The following DMD variants were observed in gnomAD, a reference collection of about 807,000 sequenced individuals.
The protein encoded by DMD is mutant dystrophin.
In DMD, 63 loss-of-function variants were observed where a neutral mutation model predicts 330.1. That is an observed-to-expected ratio of 0.19 (90% CI 0.16 to 0.24). DMD has a LOEUF of 0.24. DMD is among the 10% of genes least tolerant of loss of function. The probability of loss-of-function intolerance (pLI) is 1.00; values close to 1 mark genes in which losing one functional copy is unlikely to be tolerated. For missense variants in DMD, 3,344 were observed against 2,684.1 expected (o/e 1.25, Z -5.43); for synonymous variants, 1,223 against 959.8 (o/e 1.27, Z -5.07).
chrX:31,292,240 A>T (rs983762238), intron 62 of DMD, among the ~76,000 whole-genome samples: 4 of 111,709 alleles, frequency 3.6e-5, no homozygotes, highest in Non-Finnish European at 7.5e-5. Flanking sequence ...ATATGTAAAA[A>T]AAACTCCTAC....
intron 60 of DMD, among the ~76,000 whole-genome samples, chrX:31,417,157 T>C (rs985339037): frequency 8.9e-6 from 1 of 112,491 alleles, no homozygotes; most frequent in African/African-American, 3.2e-5. Flanking sequence ...GGAATGTTCA[T>C]TTGTTCCAAG....
intron 29 of DMD, among the ~76,000 whole-genome samples, chrX:32,428,322 C>G (rs1048870980): frequency 4.5e-5 from 5 of 111,840 alleles, no homozygotes; most frequent in Non-Finnish European, 9.4e-5. Context: ...TTGATTCTAG[C>G]TTGTTACAAA....
chrX:31,136,807 T>C (rs1387867520), intron 76 of DMD, among the ~76,000 whole-genome samples: 1 of 111,453 alleles, frequency 9.0e-6, no homozygotes, highest in African/African-American at 3.3e-5. Flanking sequence ...GAGTCTTTAA[T>C]ATGAGTGTCC....
At chrX:31,192,120 T>G (rs986364926) in intron 67 of DMD, among the ~76,000 whole-genome samples, 3 of 111,772 alleles carry the variant, frequency 2.7e-5, no homozygotes, top group African/African-American at 9.8e-5. Context: ...AGTGGAATAT[T>G]TTACATAAGA....
intron 47 of DMD, among the ~76,000 whole-genome samples, chrX:31,884,257 A>G (rs931627616): frequency 8.9e-6 from 1 of 111,886 alleles, no homozygotes; most frequent in Non-Finnish European, 1.9e-5. Context: ...ATGTCCATCA[A>G]TAAATGAACG....
intron 43 of DMD, among the ~76,000 whole-genome samples, chrX:32,266,992 A>G (rs1163508388): frequency 8.9e-6 from 1 of 112,048 alleles, no homozygotes; most frequent in Non-Finnish European, 1.9e-5. Context: ...AGTGCTTTTA[A>G]ACCCAATCTA....
At chrX:32,150,185 T>C (rs1390413785) in intron 44 of DMD, among the ~76,000 whole-genome samples, 1 of 112,249 alleles carries the variant, frequency 8.9e-6, no homozygotes, top group Non-Finnish European at 1.9e-5. Context: ...TGACAGCATC[T>C]CTACAGAGAA....
chrX:31,366,438 C>A (rs1194377748), intron 60 of DMD, among the ~76,000 whole-genome samples: 6 of 68,746 alleles, frequency 8.7e-5, no homozygotes, highest in Non-Finnish European at 1.5e-4. Flanking sequence ...AGACCATTCT[C>A]TTATTAAGGC....
At chrX:31,245,875 T>A (rs1267921583) in intron 63 of DMD, among the ~76,000 whole-genome samples, 3 of 111,071 alleles carry the variant, frequency 2.7e-5, no homozygotes, top group Non-Finnish European at 5.7e-5. Flanking sequence ...AATATTAAAA[T>A]CAGGGTAATT....
intron 4 of DMD, among the ~76,000 whole-genome samples, chrX:32,832,969 GAC>G (rs1197711108): frequency 9.0e-6 from 1 of 110,960 alleles, no homozygotes; most frequent in Non-Finnish European, 1.9e-5. Context: ...AGCACATTTT[GAC>G]CTCAACTATA....
At chrX:32,614,993 C>T (rs1298468101) in intron 11 of DMD, among the ~76,000 whole-genome samples, 7 of 110,845 alleles carry the variant, frequency 6.3e-5, no homozygotes, top group African/African-American at 2.3e-4. Context: ...AGATTCCATG[C>T]TGTAAAGGAG....
At chrX:32,932,603 T>C (rs923113338) in intron 2 of DMD, among the ~76,000 whole-genome samples, 3 of 112,025 alleles carry the variant, frequency 2.7e-5, no homozygotes, top group African/African-American at 9.7e-5. Context: ...AGGAGAGTCG[T>C]GGGTACATAT....
In DMD at chrX:32,658,597, A is replaced by C. The variant is rs142215173; in HGVS notation, c.961-13445T>G. ...TGATGAAATTGCTTCCCACATTTAAACTAATTTCTCTGAACTTCTCACTGT... is the reference window on the plus strand; with the variant it reads ...TGATGAAATTGCTTCCCACATTTAACCTAATTTCTCTGAACTTCTCACTGT... On this transcript the variant is annotated intron_variant, in intron 9 of 78. Coordinates refer to ENST00000357033, the MANE Select transcript of DMD (RefSeq NM_004006.3). 6.7e-3 allele frequency among the ~76,000 whole-genome samples: 747 copies of C among 111,202 alleles called. 5 individuals are homozygous for C. Among genetic ancestry groups the C allele is most frequent in the African/African-American group, 0.023 (718 of 30,618 alleles).
chrX:32,441,503 A>C (rs934172326), intron 27 of DMD, among the ~76,000 whole-genome samples, 189 bp from the exon 28 acceptor site: 1 of 111,932 alleles, frequency 8.9e-6, no homozygotes, highest in Non-Finnish European at 1.9e-5. Flanking sequence ...AAAGTCATTA[A>C]GAAAACATTT....
At chrX:31,976,564 T>C (rs186884769) in intron 44 of DMD, among the ~76,000 whole-genome samples, 19 of 111,203 alleles carry the variant, frequency 1.7e-4, no homozygotes, top group Admixed American at 1.3e-3. Flanking sequence ...GAGATTAATA[T>C]CATAATTAGC....
intron 44 of DMD, among the ~76,000 whole-genome samples, chrX:32,183,739 T>C (rs2096935931): frequency 9.1e-6 from 1 of 109,685 alleles, no homozygotes; most frequent in Admixed American, 9.8e-5. Context: ...TTACAGACTG[T>C]ACTTGTATCA....
chrX:31,754,875 A>C (rs758218552), intron 51 of DMD, among the ~76,000 whole-genome samples: 51 of 112,011 alleles, frequency 4.6e-4, no homozygotes, highest in African/African-American at 1.3e-3. Context: ...ATACAAAGAA[A>C]TTTTTAGTTG....
At chrX:31,298,406 C>CACATAG (rs1454393447) in intron 62 of DMD, among the ~76,000 whole-genome samples, 1 of 102,458 alleles carries the variant, frequency 9.8e-6, no homozygotes, top group Non-Finnish European at 2.0e-5. Context: ...CACACACACA[C>CACATAG]ACATACACAC....
intron 55 of DMD, among the ~76,000 whole-genome samples, chrX:31,539,759 C>T (rs1435292719): frequency 3.6e-5 from 4 of 112,061 alleles, no homozygotes; most frequent in Non-Finnish European, 7.5e-5. Context: ...CTTGCAAGGA[C>T]TTTTGTCCCA....
Sources: gnomAD v4.1 joint callset for allele counts (sites outside exome capture counted in the v4.1 genomes callset) on GRCh38, gnomAD v4.1.1 for gene constraint, MANE v1.5 for transcripts, NCBI Gene and HGNC (gene_info 2026-07-23, HGNC 2026-07-21) for gene names.